MGAT5: variants seen among roughly 807,000 people sequenced by gnomAD.
The protein encoded by MGAT5 is alpha-1,6-mannosylglycoprotein 6-beta-N-acetylglucosaminyltransferase A.
MGAT5 carries 30 observed loss-of-function variants against 94.3 expected under a neutral mutation model. The ratio of observed to expected loss-of-function variants is 0.32; its 90% CI spans 0.24 to 0.43. MGAT5 has a LOEUF of 0.43. Ranked by LOEUF, MGAT5 falls within the 20% of genes least tolerant of loss-of-function variation. MGAT5 has a pLI of 1.00. For missense variants in MGAT5, 691 were observed against 905.5 expected (o/e 0.76, Z 3.04); for synonymous variants, 310 against 322.9 (o/e 0.96, Z 0.43).
At chr2:134,314,861 A>G (rs1686908106) in intron 2 of MGAT5, among the ~76,000 whole-genome samples, 1 of 152,132 alleles carries the variant, frequency 6.6e-6, no homozygotes, top group Non-Finnish European at 1.5e-5. Flanking sequence ...TAGCATAGCA[A>G]CAGGGGGGTC....
At chr2:134,240,573 A>G (rs974326402) in intron 1 of MGAT5, among the ~76,000 whole-genome samples, 8 of 152,088 alleles carry the variant, frequency 5.3e-5, no homozygotes, top group African/African-American at 1.9e-4. Context: ...AAAAAAATTT[A>G]TGTTCTTAAT....
intron 4 of MGAT5, among the ~76,000 whole-genome samples, chr2:134,326,641 A>G (rs1462618632): frequency 6.6e-6 from 1 of 152,132 alleles, no homozygotes; most frequent in Non-Finnish European, 1.5e-5. Flanking sequence ...AGATGTAACA[A>G]TGAATAAACA....
rs540601368 is a variant in MGAT5 at position 134,292,907 on chromosome 2, A to G, written c.406+22357A>G. 2.0e-5 allele frequency among the ~76,000 whole-genome samples: 3 copies of G among 152,328 alleles called. No individual in the cohort carries two copies. In the East Asian group the frequency reaches 5.8e-4, roughly 29 times the overall value. On this transcript the variant is annotated intron_variant, in intron 2 of 15. Transcript: ENST00000281923. ...CCACATACCTGTGATAAGAATAAGC[A>G]GGTACTCAGAAGGCCAGGCTTCAAG... is the stretch of plus-strand genomic sequence containing the variant.
At chr2:134,150,050 A>G (rs1004994837) in intron 1 of MGAT5, among the ~76,000 whole-genome samples, 1 of 152,164 alleles carries the variant, frequency 6.6e-6, no homozygotes, top group Admixed American at 6.5e-5. Flanking sequence ...CAGGGAAGCC[A>G]GGTGTATACA....
intron 6 of MGAT5, among the ~76,000 whole-genome samples, chr2:134,340,277 T>C (rs1452554525): frequency 6.6e-6 from 1 of 152,068 alleles, no homozygotes; most frequent in Non-Finnish European, 1.5e-5. Context: ...CTTGGAAAAA[T>C]GGCTTATTAA....
intron 1 of MGAT5, among the ~76,000 whole-genome samples, chr2:134,173,572 C>T (rs1688322144): frequency 1.3e-5 from 2 of 152,220 alleles, no homozygotes; most frequent in South Asian, 4.1e-4. Context: ...TCATGTGGGA[C>T]TCCTCGGCTG....
intron 1 of MGAT5, among the ~76,000 whole-genome samples, chr2:134,141,009 G>A (rs1686629338): frequency 6.6e-6 from 1 of 152,324 alleles, no homozygotes; most frequent in African/African-American, 2.4e-5. Context: ...GAATGAAGAA[G>A]TGAGGCCTTT....
At chr2:134,167,183 C>CT (rs1484201272) in intron 1 of MGAT5, among the ~76,000 whole-genome samples, 1 of 152,140 alleles carries the variant, frequency 6.6e-6, no homozygotes, top group African/African-American at 2.4e-5. Context: ...CAGTCACCTT[C>CT]CATTAGGGGC....
intron 1 of MGAT5, among the ~76,000 whole-genome samples, chr2:134,229,279 T>C (rs954609853): frequency 1.3e-5 from 2 of 152,200 alleles, no homozygotes; most frequent in African/African-American, 4.8e-5. Flanking sequence ...TATAGGAAAG[T>C]GATAGTAATG....
chr2:134,341,794 T>A (rs1237259172), intron 7 of MGAT5, 35 bp downstream of exon 7: 1 of 1,561,506 alleles, frequency 6.4e-7, no homozygotes, highest in Admixed American at 2.0e-5. Context: ...AAAATCAGAA[T>A]ACAAAAAAGA....
At chr2:134,253,952 G>A (rs17764739), upstream of MGAT5, among the ~76,000 whole-genome samples, 6,172 of 152,152 alleles carry the variant, frequency 0.041, 172 homozygotes, top group Middle Eastern at 0.096. Context: ...CTGACATTCC[G>A]CCAAATATCC....
chr2:134,312,966 G>T (rs959015895), intron 2 of MGAT5, among the ~76,000 whole-genome samples: 1 of 150,836 alleles, frequency 6.6e-6, no homozygotes, highest in African/African-American at 2.4e-5. Context: ...TGAGACCGCC[G>T]TACCAACTTC....
intron 1 of MGAT5, among the ~76,000 whole-genome samples, chr2:134,148,350 T>C (rs1027710456): frequency 9.2e-5 from 14 of 152,240 alleles, no homozygotes; most frequent in African/African-American, 3.4e-4. Flanking sequence ...TACCCCAGAC[T>C]AATTAACTGC....
chr2:134,449,032 A>C lies in MGAT5; in HGVS notation c.*185A>C. 2 of 611,856 alleles carry C rather than the reference A, an allele frequency of 3.3e-6. No individual in the cohort carries two copies. Among genetic ancestry groups the C allele is most frequent in the Non-Finnish European group, 5.7e-6 (2 of 348,560 alleles). 37.9% of individuals were successfully genotyped at this position (611,856 alleles called of 1,614,324 possible). ...AACCCAGTGGAGTCTTCACCAAAACAAAACAAGAGCGTATGTCAGGCCAGG... is the reference window on the plus strand; with the variant it reads ...AACCCAGTGGAGTCTTCACCAAAACCAAACAAGAGCGTATGTCAGGCCAGG... On this transcript the variant is annotated 3_prime_UTR_variant, in exon 16 of 16. Coordinates refer to ENST00000281923, the MANE Select transcript of MGAT5 (RefSeq NM_002410.5).
At chr2:134,134,983 C>A (rs942005102) in intron 1 of MGAT5, among the ~76,000 whole-genome samples, 1 of 152,164 alleles carries the variant, frequency 6.6e-6, no homozygotes, top group Admixed American at 6.5e-5. Flanking sequence ...CTCATGTTAC[C>A]TGTAGAATTA....
chr2:134,339,426 G>A (rs999867173), intron 6 of MGAT5, among the ~76,000 whole-genome samples: 3 of 152,100 alleles, frequency 2.0e-5, no homozygotes, highest in Admixed American at 2.0e-4. Context: ...ACATATATTT[G>A]CTTCTTGCTG....
intron 14 of MGAT5, among the ~76,000 whole-genome samples, chr2:134,436,127 T>C (rs1390740754): frequency 6.6e-6 from 1 of 152,234 alleles, no homozygotes; most frequent in Non-Finnish European, 1.5e-5. Context: ...CACCTCATTT[T>C]CTTCTCACAG....
intron 7 of MGAT5, among the ~76,000 whole-genome samples, chr2:134,342,316 G>A (rs974408843): frequency 3.9e-5 from 6 of 152,106 alleles, no homozygotes; most frequent in Non-Finnish European, 8.8e-5. Context: ...TATTGGCATA[G>A]CTGGCTGAGC....
chr2:134,427,519 T>C (rs1480462409), intron 13 of MGAT5, among the ~76,000 whole-genome samples: 1 of 152,188 alleles, frequency 6.6e-6, no homozygotes, highest in African/African-American at 2.4e-5. Context: ...TCGGGCTCTT[T>C]AGCATAGAAA....
Sources: gnomAD v4.1 joint callset for allele counts (sites outside exome capture counted in the v4.1 genomes callset) on GRCh38, gnomAD v4.1.1 for gene constraint, MANE v1.5 for transcripts, NCBI Gene and HGNC (gene_info 2026-07-23, HGNC 2026-07-21) for gene names.